PIAS2: variants seen among roughly 807,000 people sequenced by gnomAD.
The protein encoded by PIAS2 is protein inhibitor of activated STAT 2.
PIAS2 carries 19 observed loss-of-function variants against 69.7 expected under a neutral mutation model. The observed-to-expected ratio is 0.27, with a 90% CI of 0.19 to 0.40. The LOEUF is 0.40. Among genes scored for constraint, PIAS2 ranks in the 10% least tolerant of loss-of-function variants. The probability of loss-of-function intolerance (pLI) is 1.00; values close to 1 mark genes in which losing one functional copy is unlikely to be tolerated. For synonymous variants in PIAS2, 261 were observed against 263.2 expected (o/e 0.99, Z 0.08); for missense variants, 624 against 757.0 (o/e 0.82, Z 2.06).
At chr18:46,818,891 C>T (rs1392149322) in intron 12 of PIAS2, among the ~76,000 whole-genome samples, 1 of 152,092 alleles carries the variant, frequency 6.6e-6, no homozygotes, top group Non-Finnish European at 1.5e-5. Flanking sequence ...GCTTGAAACA[C>T]ATTTTTACCA....
Position 46,803,491 on chromosome 18 carries a change from C to T in PIAS2, c.*8942G>A, listed in dbSNP as rs1450749609. 1 of 152,196 alleles carries T rather than the reference C, an allele frequency of 6.6e-6. No individual in the cohort carries two copies. The highest frequency in any genetic ancestry group is 2.4e-5 in the African/African-American group (1 of 41,432). The allele number at this position is 152,196 out of a possible 1,614,324, so 9.4% of individuals were successfully genotyped here. On this transcript the variant is annotated 3_prime_UTR_variant, in exon 14 of 14. Coordinates refer to ENST00000585916, the MANE Select transcript of PIAS2 (RefSeq NM_004671.5). The stretch of plus-strand genomic sequence containing the variant: ...TTTCCAGTCTTCTTTTCTCACTCAT[C>T]AACTCCTCTGGATGAGTTCATCCAC...
intron 1 of PIAS2, among the ~76,000 whole-genome samples, chr18:46,905,041 G>A (rs1409842631): frequency 1.3e-5 from 2 of 152,108 alleles, no homozygotes; most frequent in African/African-American, 4.8e-5. Flanking sequence ...GCTACATAAT[G>A]AACATATATA....
chr18:46,891,065 A>G lies in PIAS2; in HGVS notation c.25-11T>C, dbSNP rs760315403. 1 of 1,536,100 alleles carries G rather than the reference A, an allele frequency of 6.5e-7. No homozygotes were observed. Among genetic ancestry groups the G allele is most frequent in the South Asian group, 1.2e-5 (1 of 83,052 alleles). On this transcript the variant is annotated splice_polypyrimidine_tract_variant and intron_variant, in intron 1 of 13. Transcript: ENST00000585916. ...ACTAGAAACCATATTCTAAAAGGAA[A>G]GAAAAAAAAACATAAGCCAAGTCAC... is the stretch of plus-strand genomic sequence containing the variant.
intron 11 of PIAS2, among the ~76,000 whole-genome samples, chr18:46,822,738 G>C (rs1015340854): frequency 6.6e-6 from 1 of 152,110 alleles, no homozygotes; most frequent in Non-Finnish European, 1.5e-5. Context: ...GTTTATATGA[G>C]AAACTGGAGG....
chr18:46,814,198 A>G (rs1201319387), intron 13 of PIAS2, among the ~76,000 whole-genome samples: 1 of 152,178 alleles, frequency 6.6e-6, no homozygotes, highest in Admixed American at 6.5e-5. Flanking sequence ...GAATTAAGGG[A>G]TAATATGGAG....
At chr18:46,816,476 T>C (rs2041552766) in intron 12 of PIAS2, 3 of 982,160 alleles carry the variant, frequency 3.1e-6, no homozygotes, top group African/African-American at 1.7e-5. Context: ...TACAGATTTT[T>C]TTTTTTTCCT....
At chr18:46,840,736 GA>G (rs2045254528) in intron 8 of PIAS2, among the ~76,000 whole-genome samples, 1 of 152,182 alleles carries the variant, frequency 6.6e-6, no homozygotes, top group Non-Finnish European at 1.5e-5. Flanking sequence ...AAAAGGACCT[GA>G]ATGTGCCACC....
chr18:46,855,814 G>C lies in PIAS2; in HGVS notation c.585-199C>G, dbSNP rs531220807. On this transcript the variant is annotated intron_variant, in intron 3 of 13. Coordinates refer to ENST00000585916, the MANE Select transcript of PIAS2 (RefSeq NM_004671.5). The stretch of plus-strand genomic sequence containing the variant: ...CCTGACTTGCTTAACTTCTAGCCAC[G>C]TCTTTATGGCAATTTTAAGGTACCT... Among the ~76,000 whole-genome samples, 25 of 152,074 alleles carry C rather than the reference G, an allele frequency of 1.6e-4. 1 individual carries two copies. In the South Asian group the frequency reaches 5.2e-3, roughly 32 times the overall value.
intron 5 of PIAS2, among the ~76,000 whole-genome samples, chr18:46,854,317 C>T (rs1380589551): frequency 6.6e-6 from 1 of 152,202 alleles, no homozygotes. Context: ...AGGGATATTA[C>T]ACAGCTTCCC....
chr18:46,908,909 T>C (rs2056943116), intron 1 of PIAS2, among the ~76,000 whole-genome samples: 1 of 152,164 alleles, frequency 6.6e-6, no homozygotes, highest in Admixed American at 6.5e-5. Context: ...CTCAGAAGTC[T>C]GAGACAGGAG....
At chr18:46,906,773 T>TGTGGG (rs751728920) in intron 1 of PIAS2, among the ~76,000 whole-genome samples, 7 of 80,842 alleles carry the variant, frequency 8.7e-5, no homozygotes, top group Non-Finnish European at 1.3e-4. Flanking sequence ...TGTGTGTGTG[T>TGTGGG]GGGGGGGGGG....
intron 7 of PIAS2, among the ~76,000 whole-genome samples, 154 bp downstream of exon 7, chr18:46,844,580 T>A (rs761276444): frequency 9.9e-5 from 15 of 152,114 alleles, no homozygotes; most frequent in Non-Finnish European, 1.9e-4. Flanking sequence ...TCTACAATTT[T>A]ACTCACCAGT....
intron 1 of PIAS2, among the ~76,000 whole-genome samples, chr18:46,915,919 A>T (rs1483852887): frequency 6.6e-6 from 1 of 152,172 alleles, no homozygotes; most frequent in Non-Finnish European, 1.5e-5. Flanking sequence ...CTAACGCATG[A>T]ATTTACAGAG....
At position 46,852,282 on chromosome 18, in the gene PIAS2, C is replaced by T. The variant is rs115659546; in HGVS notation, c.726+3063G>A. 6.3e-3 allele frequency among the ~76,000 whole-genome samples: 961 copies of T among 152,272 alleles called. 7 individuals carry two copies. Among genetic ancestry groups the T allele is most frequent in the African/African-American group, 0.022 (903 of 41,552 alleles). On this transcript the variant is annotated intron_variant, in intron 5 of 13. Transcript: ENST00000585916. Reference sequence around the variant, plus strand: ...CTGTCAGCTGTTCTATAGGACTTTACGGAGCTAGGGTAAAAAGACTCTTTG... The same window carrying T: ...CTGTCAGCTGTTCTATAGGACTTTATGGAGCTAGGGTAAAAAGACTCTTTG...
At chr18:46,817,844 T>C in intron 12 of PIAS2, 1 of 962,558 alleles carries the variant, frequency 1.0e-6, no homozygotes, top group African/African-American at 1.8e-5. Flanking sequence ...TTCTTGCATT[T>C]TACATTTTAA....
chr18:46,886,841 C>G (rs189953548), intron 2 of PIAS2, among the ~76,000 whole-genome samples: 17 of 151,440 alleles, frequency 1.1e-4, no homozygotes, highest in Admixed American at 2.0e-4. Context: ...CTGTCCCCCC[C>G]CTCCAAAAAA....
chr18:46,889,989 C>G (rs777807114), intron 2 of PIAS2, among the ~76,000 whole-genome samples: 1 of 152,120 alleles, frequency 6.6e-6, no homozygotes, highest in Non-Finnish European at 1.5e-5. Flanking sequence ...AAAATGTATA[C>G]TATTGTATTA....
intron 8 of PIAS2, 55 bp from the exon 9 acceptor site, chr18:46,836,572 G>A (rs2044462873): frequency 1.5e-6 from 2 of 1,360,070 alleles, no homozygotes; most frequent in Non-Finnish European, 2.1e-6. Context: ...TGAGCTCAGA[G>A]GGAACATGGT....
intron 2 of PIAS2, among the ~76,000 whole-genome samples, chr18:46,867,258 T>C (rs1459217278): frequency 5.3e-5 from 8 of 152,182 alleles, no homozygotes; most frequent in Non-Finnish European, 7.3e-5. Flanking sequence ...CCAGTATCTA[T>C]AGAAAAATGG....
Sources: gnomAD v4.1 joint callset for allele counts (sites outside exome capture counted in the v4.1 genomes callset) on GRCh38, gnomAD v4.1.1 for gene constraint, MANE v1.5 for transcripts, NCBI Gene and HGNC (gene_info 2026-07-23, HGNC 2026-07-21) for gene names.